Variants in ELL observed in about 807,000 individuals in gnomAD.
The protein encoded by ELL is RNA polymerase II elongation factor ELL.
Under a neutral mutation model 64.0 loss-of-function variants are expected in ELL, and 18 were observed. That is an observed-to-expected ratio of 0.28 (90% CI 0.19 to 0.42). ELL has a LOEUF of 0.42. Ranked by LOEUF, ELL falls within the 10% of genes least tolerant of loss-of-function variation. The pLI, the probability that ELL is intolerant of heterozygous loss-of-function variation, is 1.00. For synonymous variants in ELL, 399 were observed against 376.2 expected, an observed-to-expected ratio of 1.06 and a Z score of -0.70; for missense variants, 797 against 870.4, an observed-to-expected ratio of 0.92 and a Z score of 1.06.
chr19:18,478,674 T>C (rs1420609953), intron 1 of ELL, among the ~76,000 whole-genome samples: 1 of 152,212 alleles, frequency 6.6e-6, no homozygotes, highest in African/African-American at 2.4e-5. Flanking sequence ...CAGCTGGGTC[T>C]TCAAGGCCGG....
In ELL at chr19:18,454,784, T is replaced by C. The variant is rs906264378; in HGVS notation, c.870-3136A>G. 3.1e-4 allele frequency among the ~76,000 whole-genome samples: 42 copies of C among 136,872 alleles called. 1 individual carries two copies. The highest frequency in any genetic ancestry group is 1.2e-3 in the African/African-American group (41 of 35,274). The allele number at this position is 136,872 out of a possible 152,430, so 89.8% of individuals were successfully genotyped here. Reference sequence around the variant, plus strand: ...TGAACCTGGGAGGCAGATGTTGCAGTGAGCAGAGATTGCGCCACTGCACTC... The same window carrying C: ...TGAACCTGGGAGGCAGATGTTGCAGCGAGCAGAGATTGCGCCACTGCACTC... On this transcript the variant is annotated intron_variant, in intron 6 of 11. Coordinates refer to ENST00000262809, the MANE Select transcript of ELL (RefSeq NM_006532.4).
chr19:18,465,844 G>C lies in ELL; in HGVS notation c.258C>G (p.Arg86=). 7.4e-7 allele frequency: 1 copy of C among 1,351,090 alleles called. No individual in the cohort carries two copies. The highest frequency in any genetic ancestry group is 2.8e-5 in the East Asian group (1 of 36,174). The allele number at this position is 1,351,090 out of a possible 1,614,324, so 83.7% of individuals were successfully genotyped here. A position where few individuals can be genotyped will look rare whatever the true frequency, so the allele number is the denominator to read the frequency against. Residue 86 remains arginine, a synonymous_variant, in exon 3 of 12, where the codon CGC becomes CGG. Coordinates refer to ENST00000262809, the MANE Select transcript of ELL (RefSeq NM_006532.4). ...AGTCGAAGCTGCCCTGGGGGTTGTC[G>C]CGGCCGATGTTGGAGAGGTAGAAGG... ...TFSFYLSNIG[R]DNPQGSFDCI...
chr19:18,509,580 CGT>C (rs1329774483), intron 1 of ELL, among the ~76,000 whole-genome samples: 4 of 135,262 alleles, frequency 3.0e-5, no homozygotes, highest in Non-Finnish European at 6.2e-5. Context: ...GGCCAATGCA[CGT>C]GCGCGCGCGC....
chr19:18,452,810 G>A (rs1006138760), intron 6 of ELL, among the ~76,000 whole-genome samples: 4 of 152,224 alleles, frequency 2.6e-5, no homozygotes, highest in African/African-American at 9.7e-5. Flanking sequence ...AGGAGAAGAA[G>A]AAACAGGGCC....
Position 18,445,223 on chromosome 19 carries a change from C to T in ELL, c.1749+1G>A, listed in dbSNP as rs1270005710. 1 of 1,613,994 alleles carries T rather than the reference C, an allele frequency of 6.2e-7. No homozygotes were observed. The highest frequency in any genetic ancestry group is 8.5e-7 in the Non-Finnish European group (1 of 1,180,034). On this transcript the variant is annotated splice_donor_variant, in intron 11 of 11. Coordinates refer to ENST00000262809, the MANE Select transcript of ELL (RefSeq NM_006532.4). LOFTEE classifies it high-confidence loss of function. ...CCCACCCCAACACAAGAGACACTCA[C>T]CTTTTTGATTTTTCGATATTCCTGC... is the stretch of plus-strand genomic sequence containing the variant.
intron 1 of ELL, among the ~76,000 whole-genome samples, chr19:18,514,587 C>T (rs1976092731): frequency 6.6e-6 from 1 of 151,734 alleles, no homozygotes; most frequent in African/African-American, 2.4e-5. Context: ...ATTCACTGCA[C>T]CTGCAGGTCA....
chr19:18,503,868 C>G (rs1450769181), intron 1 of ELL, among the ~76,000 whole-genome samples: 1 of 152,198 alleles, frequency 6.6e-6, no homozygotes, highest in Non-Finnish European at 1.5e-5. Flanking sequence ...CAGAATGCAC[C>G]TGGCTAACTG....
At chr19:18,480,808 A>G (rs1432723890) in intron 1 of ELL, among the ~76,000 whole-genome samples, 1 of 151,246 alleles carries the variant, frequency 6.6e-6, no homozygotes, top group Non-Finnish European at 1.5e-5. Context: ...TAATTTTTCT[A>G]TTTTCTGTAG....
rs751152799 is a variant in ELL, at chr19:18,443,592, TCACA to T, written c.*1156_*1159del. ...CTGGGGGGTCCCCACATACGCACAC[TCACA>T]CACCCACACTTGCGTGGCCCCCCGA... On this transcript the variant is annotated 3_prime_UTR_variant, in exon 12 of 12. Coordinates refer to ENST00000262809, the MANE Select transcript of ELL (RefSeq NM_006532.4). 55 of 233,090 alleles carry T rather than the reference TCACA, an allele frequency of 2.4e-4. No homozygotes were observed. The highest frequency in any genetic ancestry group is 9.1e-4 in the South Asian group (5 of 5,504). 14.4% of individuals were successfully genotyped at this position (233,090 alleles called of 1,614,324 possible).
In ELL at chr19:18,465,545, G is replaced by A; in HGVS notation, c.336C>T (p.Gly112=). The part of the protein sequence containing the change: ...SHGEVHLDCL[G]SIQDKITVCA... ...ACACCGTGATCTTGTCCTGTATGCT[G>A]CCCAGGCAGTCCAGGTGAACTTCCC... Residue 112 remains glycine, a synonymous_variant, in exon 4 of 12, where the codon GGC becomes GGT. Coordinates refer to ENST00000262809, the MANE Select transcript of ELL (RefSeq NM_006532.4). 6.2e-7 allele frequency: 1 copy of A among 1,604,122 alleles called. No individual in the cohort carries two copies. Among genetic ancestry groups the A allele is most frequent in the African/African-American group, 1.3e-5 (1 of 74,846 alleles).
chr19:18,508,786 G>A (rs1197944006), intron 1 of ELL, among the ~76,000 whole-genome samples: 2 of 152,262 alleles, frequency 1.3e-5, no homozygotes, highest in Non-Finnish European at 2.9e-5. Context: ...AGGTAAGCAA[G>A]TGGGCAGCTG....
intron 1 of ELL, among the ~76,000 whole-genome samples, chr19:18,491,304 A>G (rs1975528793): frequency 2.6e-5 from 3 of 114,424 alleles, no homozygotes; most frequent in Non-Finnish European, 3.4e-5. Flanking sequence ...GTAGAGATGG[A>G]GTCTTACTGT....
At position 18,450,835 on chromosome 19, in the gene ELL, C is replaced by T. The variant is rs1974514849; in HGVS notation, c.1107G>A (p.Pro369=). The change falls in exon 8 of 12, where the codon CCG becomes CCA. Residue 369 remains proline, a synonymous_variant. Coordinates refer to ENST00000262809, the MANE Select transcript of ELL (RefSeq NM_006532.4). ...GGGTGTCCGTGCTGGCTGGTGGGCC[C>T]GGGGTGGGCAGCAAGGCCTCACGGC... ...PNGREALLPT[P]GPPASTDTLS... 8 of 1,589,602 alleles carry T rather than the reference C, an allele frequency of 5.0e-6. No homozygotes were observed. The highest frequency in any genetic ancestry group is 1.3e-5 in the African/African-American group (1 of 74,504).
rs766806897 is a variant in ELL at position 18,445,205 on chromosome 19, C to T, written c.1749+19G>A. On this transcript the variant is annotated intron_variant, in intron 11 of 11. Coordinates refer to ENST00000262809, the MANE Select transcript of ELL (RefSeq NM_006532.4). ...CCCATGGCTCACTTGGAGCCCACCC[C>T]AACACAAGAGACACTCACCTTTTTG... 5 of 1,614,062 alleles carry T rather than the reference C, an allele frequency of 3.1e-6. No homozygotes were observed. In the Admixed American group the frequency reaches 6.7e-5, roughly 22 times the overall value.
chr19:18,476,257 C>G (rs1017394376), intron 1 of ELL, among the ~76,000 whole-genome samples: 1 of 152,246 alleles, frequency 6.6e-6, no homozygotes, highest in African/African-American at 2.4e-5. Context: ...CGGCCCGGGG[C>G]TAACACAAGC....
intron 3 of ELL, 83 bp from the exon 4 acceptor site, chr19:18,465,658 C>T (rs1334092319): frequency 1.5e-5 from 22 of 1,480,816 alleles, no homozygotes; most frequent in Admixed American, 2.3e-5. Flanking sequence ...CCCAGCCCAC[C>T]ACCTGGCCTG....
chr19:18,451,416 T>C (rs992491275), intron 7 of ELL, 136 bp downstream of exon 7: 4 of 826,494 alleles, frequency 4.8e-6, no homozygotes, highest in Non-Finnish European at 6.9e-6. Flanking sequence ...CCTTGGTCCC[T>C]GGGCGGAGGG....
chr19:18,512,660 T>C (rs1322900196), intron 1 of ELL, among the ~76,000 whole-genome samples: 1 of 152,184 alleles, frequency 6.6e-6, no homozygotes, highest in African/African-American at 2.4e-5. Flanking sequence ...TAGGAGAAGC[T>C]ATTTTAAATT....
At chr19:18,474,016 G>A (rs1975122331) in intron 1 of ELL, among the ~76,000 whole-genome samples, 1 of 152,234 alleles carries the variant, frequency 6.6e-6, no homozygotes, top group South Asian at 2.1e-4. Context: ...AAGACCCGGG[G>A]TAAGCGGAGC....
Sources: allele counts gnomAD v4.1 joint callset (sites outside exome capture counted in the v4.1 genomes callset), GRCh38; gene constraint gnomAD v4.1.1; transcripts MANE v1.5; gene names NCBI Gene and HGNC (gene_info 2026-07-23, HGNC 2026-07-21).